GRK1: variants seen among roughly 807,000 people sequenced by gnomAD.
GRK1 encodes the protein G protein-coupled receptor kinase 1, also known as rhodopsin kinase GRK1.
Under a neutral mutation model 41.7 loss-of-function variants are expected in GRK1, and 28 were observed. The ratio of observed to expected loss-of-function variants is 0.67; its 90% CI spans 0.50 to 0.92. GRK1 has a LOEUF of 0.92. GRK1 is among the 40% of genes least tolerant of loss of function. The probability of loss-of-function intolerance (pLI) is 0.00; values close to 1 mark genes in which losing one functional copy is unlikely to be tolerated. For missense variants in GRK1, 703 were observed against 671.2 expected (o/e 1.05, Z -0.52); for synonymous variants, 327 against 286.7 (o/e 1.14, Z -1.42).
intron 4 of GRK1, among the ~76,000 whole-genome samples, chr13:113,723,702 CTT>C (rs1207458858): frequency 1.3e-5 from 2 of 152,118 alleles, no homozygotes; most frequent in Non-Finnish European, 2.9e-5. Context: ...CAGCTTGACT[CTT>C]TCCTTTAGTG....
the GRK1 span, chr13:113,653,004 A>C: frequency 1.6e-5 from 26 of 1,613,998 alleles, no homozygotes; most frequent in Middle Eastern, 1.6e-4. Context: ...GGAGCGCGGA[A>C]ACTCTCCTGG....
At chr13:113,724,319 C>T (rs1219208063) in intron 4 of GRK1, among the ~76,000 whole-genome samples, 1 of 152,246 alleles carries the variant, frequency 6.6e-6, no homozygotes, top group Non-Finnish European at 1.5e-5. Context: ...TTCTTCCTCT[C>T]TCCTCCGCAG....
chr13:113,671,048 T>G lies in GRK1; in HGVS notation c.828-451T>G, dbSNP rs547366726. Among the ~76,000 whole-genome samples, 1 of 152,354 alleles carries G rather than the reference T, an allele frequency of 6.6e-6. No homozygotes were observed. The highest frequency in any genetic ancestry group is 2.4e-5 in the African/African-American group (1 of 41,578). Reference sequence around the variant, plus strand: ...TTTTATTTGTTAGGTTTTGCTTCTCTGCAAAACCTGTCCGTGGAAAACATA... The same window carrying G: ...TTTTATTTGTTAGGTTTTGCTTCTCGGCAAAACCTGTCCGTGGAAAACATA... On this transcript the variant is annotated intron_variant, in intron 2 of 6. Transcript: ENST00000335678. The surrounding 1 kb of genome is among the most constrained non-coding windows in gnomAD (Gnocchi z 4.1).
the GRK1 span, chr13:113,653,485 A>C: frequency 6.5e-7 from 1 of 1,538,468 alleles, no homozygotes; most frequent in Non-Finnish European, 9.0e-7. Context: ...CACCACATTT[A>C]AGCCATCAGT....
the GRK1 span, among the ~76,000 whole-genome samples, chr13:113,656,483 G>A: frequency 1.3e-5 from 2 of 152,190 alleles, no homozygotes; most frequent in Non-Finnish European, 2.9e-5. Flanking sequence ...CCAGGCTCGG[G>A]AGGGCCATGC....
rs1458088212 is a variant in GRK1 at position 113,735,111 on chromosome 13, C to T, written c.1440C>T (p.Tyr480=). The change falls in exon 7 of 7, where the codon TAC becomes TAT. Residue 480 remains tyrosine (Y), a synonymous_variant. Coordinates refer to ENST00000335678, the MANE Select transcript of GRK1 (RefSeq NM_002929.3). ...TCATCCCAGACTCCAAAACTGTCTACGCAAAGGATATTCAGGACGTGGGTG... is the reference window on the plus strand; with the variant it reads ...TCATCCCAGACTCCAAAACTGTCTATGCAAAGGATATTCAGGACGTGGGTG... ...PPFIPDSKTV[Y]AKDIQDVGAF... 32 of 1,536,070 alleles carry T rather than the reference C, an allele frequency of 2.1e-5. No individual in the cohort carries two copies. The highest frequency in any genetic ancestry group is 7.3e-5 in the East Asian group (3 of 40,898).
upstream of GRK1, among the ~76,000 whole-genome samples, chr13:113,664,033 G>C (rs998738818): frequency 3.3e-5 from 5 of 152,308 alleles, no homozygotes; most frequent in African/African-American, 1.2e-4. This position sits in a 1 kb window ranked among gnomAD's most constrained non-coding sequence, Gnocchi z 5.4. Context: ...TCCTTCAACC[G>C]GTGAACGGCG....
At chr13:113,652,764 C>T in the GRK1 span, 367 of 1,317,906 alleles carry the variant, frequency 2.8e-4, 2 homozygotes, top group East Asian at 5.1e-3. Flanking sequence ...GTCCCTGTCC[C>T]GCTTGGGCAA....
Position 113,668,025 on chromosome 13 carries a change from C to T in GRK1, c.639C>T (p.Gly213=). 2 of 1,611,728 alleles carry T rather than the reference C, an allele frequency of 1.2e-6. No individual in the cohort carries two copies. The highest frequency in any genetic ancestry group is 8.5e-7 in the Non-Finnish European group (1 of 1,179,114). ...EVSACQMKAT[G]KLYACKKLNK... ...CGGCCTGCCAGATGAAGGCGACCGG[C>T]AAGCTGTATGCCTGCAAGAAGCTGA... The change falls in exon 1 of 7, where the codon GGC becomes GGT. Residue 213 remains glycine, a synonymous_variant. Coordinates refer to ENST00000335678, the MANE Select transcript of GRK1 (RefSeq NM_002929.3).
the GRK1 span, among the ~76,000 whole-genome samples, chr13:113,655,927 C>A: frequency 1.3e-5 from 2 of 152,228 alleles, no homozygotes; most frequent in Non-Finnish European, 2.9e-5. Context: ...ACTGCCTGCC[C>A]TCTTCTGTGA....
At chr13:113,658,811 T>A in the GRK1 span, among the ~76,000 whole-genome samples, 1 of 152,194 alleles carries the variant, frequency 6.6e-6, no homozygotes. Context: ...CTTTAGGATT[T>A]TTTTGTGTCC....
In GRK1 at chr13:113,731,660, C is replaced by G. The variant is rs1312292264; in HGVS notation, c.1194+317C>G. Among the ~76,000 whole-genome samples, 1 of 152,100 alleles carries G rather than the reference C, an allele frequency of 6.6e-6. No homozygotes were observed. Among genetic ancestry groups the G allele is most frequent in the Non-Finnish European group, 1.5e-5 (1 of 68,000 alleles). Reference sequence around the variant, plus strand: ...CAGCCTCTGAGGGCCCTGTGGGGGCCGGTCCCTCTGGTGCAGACCGGAGGA... The same window carrying G: ...CAGCCTCTGAGGGCCCTGTGGGGGCGGGTCCCTCTGGTGCAGACCGGAGGA... On this transcript the variant is annotated intron_variant, in intron 5 of 6. Coordinates refer to ENST00000335678, the MANE Select transcript of GRK1 (RefSeq NM_002929.3). This position sits in a 1 kb window ranked among gnomAD's most constrained non-coding sequence, Gnocchi z 5.6.
Position 113,671,469 on chromosome 13 carries a change from G to A in GRK1, c.828-30G>A, listed in dbSNP as rs750687048. 6.4e-6 allele frequency: 5 copies of A among 777,462 alleles called. No individual in the cohort carries two copies. 48.2% of individuals were successfully genotyped at this position (777,462 alleles called of 1,614,324 possible). On this transcript the variant is annotated intron_variant, in intron 2 of 6. Coordinates refer to ENST00000335678, the MANE Select transcript of GRK1 (RefSeq NM_002929.3). The surrounding 1 kb of genome is among the most constrained non-coding windows in gnomAD (Gnocchi z 4.1). ...TGATTTTACTCCCCATTAAACCCGG[G>A]GTGCATGGTTCCCACGTGTCTTCCC...
At chr13:113,672,916 A>AAGGT (rs2049865903) in intron 3 of GRK1, among the ~76,000 whole-genome samples, 1 of 49,908 alleles carries the variant, frequency 2.0e-5, no homozygotes, top group Non-Finnish European at 3.3e-5. Context: ...GAGATAGAGA[A>AAGGT]CACATTGTTG....
At chr13:113,648,416 G>C in the GRK1 span, among the ~76,000 whole-genome samples, 12 of 152,198 alleles carry the variant, frequency 7.9e-5, no homozygotes, top group Non-Finnish European at 1.3e-4. Flanking sequence ...CTGAGCATGT[G>C]AAATCAGGAC....
At chr13:113,723,538 C>G (rs1163360973) in intron 4 of GRK1, among the ~76,000 whole-genome samples, 1 of 152,050 alleles carries the variant, frequency 6.6e-6, no homozygotes, top group African/African-American at 2.4e-5. Flanking sequence ...GCTTCCAGGT[C>G]ATAGGAAGAT....
the GRK1 span, among the ~76,000 whole-genome samples, chr13:113,657,429 G>A: frequency 6.6e-6 from 1 of 152,236 alleles, no homozygotes; most frequent in Admixed American, 6.5e-5. Context: ...TCCACCACCT[G>A]TGTGGCCTTG....
At chr13:113,648,832 A>G in the GRK1 span, 2 of 152,126 alleles carry the variant, frequency 1.3e-5, no homozygotes, top group African/African-American at 4.8e-5. Context: ...GTTTTTATTT[A>G]ATTTCTCCCA....
At chr13:113,724,086 C>A (rs2049874873) in intron 4 of GRK1, among the ~76,000 whole-genome samples, 1 of 152,156 alleles carries the variant, frequency 6.6e-6, no homozygotes, top group African/African-American at 2.4e-5. Context: ...CCTCTCACCT[C>A]CCCCCAGGCA....
Sources: allele counts gnomAD v4.1 joint callset (sites outside exome capture counted in the v4.1 genomes callset), GRCh38; gene constraint gnomAD v4.1.1; non-coding constraint Gnocchi (gnomAD v3.1); transcripts MANE v1.5; gene names NCBI Gene and HGNC (gene_info 2026-07-23, HGNC 2026-07-21).